The following PCDHGA2 variants were observed in gnomAD, a reference collection of about 807,000 sequenced individuals.
PCDHGA2 encodes protocadherin gamma-A2.
PCDHGA2 carries 40 observed loss-of-function variants against 59.2 expected under a neutral mutation model. The ratio of observed to expected loss-of-function variants is 0.68; its 90% CI spans 0.52 to 0.88. The LOEUF (loss-of-function observed/expected upper bound fraction) is 0.88, where lower values mean the gene tolerates loss of function less well. Ranked by LOEUF, PCDHGA2 falls within the 40% of genes least tolerant of loss-of-function variation. The pLI, the probability that PCDHGA2 is intolerant of heterozygous loss-of-function variation, is 0.00. For missense variants in PCDHGA2, 1,226 were observed against 1,204.0 expected, an observed-to-expected ratio of 1.02 and a Z score of -0.27; for synonymous variants, 560 against 526.0, an observed-to-expected ratio of 1.06 and a Z score of -0.89.
intron 1 of PCDHGA2, among the ~76,000 whole-genome samples, chr5:141,446,453 A>T (rs2098502702): frequency 6.6e-6 from 1 of 151,946 alleles, no homozygotes; most frequent in Non-Finnish European, 1.5e-5. Context: ...GCAGATATTC[A>T]GTGTGTGATT....
chr5:141,340,297 G>C lies in PCDHGA2; in HGVS notation c.1326G>C (p.Val442=). The C allele has an allele frequency of 6.2e-7, 1 of 1,614,118 alleles. No individual in the cohort carries two copies. The highest frequency in any genetic ancestry group is 8.5e-7 in the Non-Finnish European group (1 of 1,180,036). The change falls in exon 1 of 4, where the codon GTG becomes GTC. Residue 442 remains valine (V), a synonymous_variant. Transcript: ENST00000394576. Reference sequence around the variant, plus strand: ...CGGATGCTCACATTTTGCTCCAGGTGGCAGACATCAACGACAACGCACCCG... The same window carrying C: ...CGGATGCTCACATTTTGCTCCAGGTCGCAGACATCAACGACAACGCACCCG... ...LSTDAHILLQ[V]ADINDNAPAF... is the part of the protein sequence containing the mutation.
intron 1 of PCDHGA2, among the ~76,000 whole-genome samples, chr5:141,481,241 A>C (rs557107835): frequency 2.0e-5 from 3 of 152,350 alleles, no homozygotes; most frequent in South Asian, 2.1e-4. Flanking sequence ...AGTATTACAT[A>C]GCATAGCTCT....
intron 1 of PCDHGA2, chr5:141,426,760 C>T (rs935248232): frequency 4.4e-6 from 2 of 456,284 alleles, no homozygotes; most frequent in African/African-American, 4.0e-5. Context: ...GCTATAGATG[C>T]AGATGTAGGG....
rs1266310917 is a variant in PCDHGA2 at position 141,486,868 on chromosome 5, G to A, written c.2425-7939G>A. 2 of 1,614,104 alleles carry A rather than the reference G, an allele frequency of 1.2e-6. No homozygotes were observed. Among genetic ancestry groups the A allele is most frequent in the Non-Finnish European group, 1.7e-6 (2 of 1,180,056 alleles). ...ACCTCAATGACAATGCTCCAGCTGT[G>A]CTCCGTCCTCGGGCCCGGCCTGGTT... On this transcript the variant is annotated intron_variant, in intron 1 of 3. Transcript: ENST00000394576. The surrounding 1 kb of genome is among the most constrained non-coding windows in gnomAD (Gnocchi z 5.0).
At chr5:141,375,665 C>T (rs114223268) in intron 1 of PCDHGA2, 22,660 of 1,614,242 alleles carry the variant, frequency 0.014, 234 homozygotes, top group Non-Finnish European at 0.016. Flanking sequence ...GTTGAGAGAC[C>T]TACAGCTGTG....
At chr5:141,415,879 T>C (rs1002596454) in intron 1 of PCDHGA2, 1 of 1,003,176 alleles carries the variant, frequency 1.0e-6, no homozygotes, top group African/African-American at 1.7e-5. Context: ...TTGAGTACAA[T>C]ATTGACAATT....
chr5:141,471,214 A>C (rs757487718), intron 1 of PCDHGA2: 2 of 149,606 alleles, frequency 1.3e-5, no homozygotes, highest in Non-Finnish European at 3.0e-5. Context: ...CATGCCTGGC[A>C]ATTTTTTTGT....
chr5:141,341,960 T>C, intron 1 of PCDHGA2: 1 of 156,788 alleles, frequency 6.4e-6, no homozygotes, highest in Non-Finnish European at 1.4e-5. Context: ...AAATATACAT[T>C]CCTTACAGTG....
chr5:141,428,744 T>C (rs939886054), intron 1 of PCDHGA2: 10 of 155,306 alleles, frequency 6.4e-5, no homozygotes, highest in African/African-American at 2.4e-4. Context: ...ATATCTACTA[T>C]TGCTTCAGGT....
chr5:141,398,656 A>G, intron 1 of PCDHGA2: 1 of 1,614,034 alleles, frequency 6.2e-7, no homozygotes, highest in African/African-American at 1.3e-5. Context: ...TCTTAACCCA[A>G]GTTTCTCATT....
chr5:141,413,042 G>T, intron 1 of PCDHGA2: 1 of 857,566 alleles, frequency 1.2e-6, no homozygotes, highest in Non-Finnish European at 1.7e-6. Context: ...CTGCTGGGCT[G>T]CAGGGAAGCT....
At chr5:141,362,842 G>A (rs914236612) in intron 1 of PCDHGA2, among the ~76,000 whole-genome samples, 18 of 152,134 alleles carry the variant, frequency 1.2e-4, no homozygotes, top group Admixed American at 8.5e-4. Context: ...TGAGACTTTA[G>A]GCAATTAGTT....
intron 1 of PCDHGA2, chr5:141,364,723 G>T: frequency 6.2e-7 from 1 of 1,613,938 alleles, no homozygotes; most frequent in Non-Finnish European, 8.5e-7. Flanking sequence ...ATAACTTCCC[G>T]CGTTTCCGGG....
At chr5:141,400,420 T>C (rs1323719998) in intron 1 of PCDHGA2, 1 of 1,613,936 alleles carries the variant, frequency 6.2e-7, no homozygotes, top group Non-Finnish European at 8.5e-7. Context: ...TTTCCTAAAA[T>C]GTAGTGAGCA....
chr5:141,405,467 T>G lies in PCDHGA2; in HGVS notation c.2424+64072T>G. On this transcript the variant is annotated intron_variant, in intron 1 of 3. Transcript: ENST00000394576. The stretch of plus-strand genomic sequence containing the variant: ...CAGAGTCTTACTCTGTTACCCAGGC[T>G]GGAATGCAGTGGTGTGATCTCGGCT... 3.6e-6 allele frequency: 4 copies of G among 1,103,716 alleles called. No individual in the cohort carries two copies. The South Asian group carries it at 6.1e-5, about 17-fold the overall frequency. 68.4% of individuals were successfully genotyped at this position (1,103,716 alleles called of 1,614,324 possible). A position where few individuals can be genotyped will look rare whatever the true frequency, so the allele number is the denominator to read the frequency against.
rs370704204 is a variant in PCDHGA2, at chr5:141,389,625, G to A, written c.2424+48230G>A. On this transcript the variant is annotated intron_variant, in intron 1 of 3. Coordinates refer to ENST00000394576, the MANE Select transcript of PCDHGA2 (RefSeq NM_018915.4). The stretch of plus-strand genomic sequence containing the variant: ...CTTCGATATGGTGCCGCACGCTGCA[G>A]AGCCTGGCTACTTGGTGACCAAGGT... 6 of 1,613,020 alleles carry A rather than the reference G, an allele frequency of 3.7e-6. No individual in the cohort carries two copies. The Admixed American group carries it at 5.0e-5, about 13-fold the overall frequency.
chr5:141,505,155 C>T (rs2099844224), intron 2 of PCDHGA2, among the ~76,000 whole-genome samples: 1 of 152,162 alleles, frequency 6.6e-6, no homozygotes, highest in Non-Finnish European at 1.5e-5. Context: ...GAGTAAGACC[C>T]TGTCTAAAAC....
At chr5:141,373,070 A>G (rs1217511247) in intron 1 of PCDHGA2, among the ~76,000 whole-genome samples, 2 of 152,206 alleles carry the variant, frequency 1.3e-5, no homozygotes, top group Non-Finnish European at 2.9e-5. Context: ...AACATTTTTA[A>G]TACAGTATTA....
At chr5:141,393,917 C>A in intron 1 of PCDHGA2, 1 of 1,613,924 alleles carries the variant, frequency 6.2e-7, no homozygotes, top group Non-Finnish European at 8.5e-7. Flanking sequence ...TAATTGCCTT[C>A]TTGAGTGTGC....
Sources: allele counts gnomAD v4.1 joint callset (sites outside exome capture counted in the v4.1 genomes callset), GRCh38; gene constraint gnomAD v4.1.1; non-coding constraint Gnocchi (gnomAD v3.1); transcripts MANE v1.5; gene names NCBI Gene and HGNC (gene_info 2026-07-23, HGNC 2026-07-21).